Variants in KCTD8 observed in about 807,000 individuals in gnomAD.
The protein encoded by KCTD8 is BTB/POZ domain-containing protein KCTD8.
A neutral mutation model predicts 31.5 loss-of-function variants in KCTD8; 27 were observed. The ratio of observed to expected loss-of-function variants is 0.86; its 90% confidence interval spans 0.63 to 1.18. The LOEUF (loss-of-function observed/expected upper bound fraction) is 1.18. KCTD8 is among the 50% of genes most tolerant of loss of function. The pLI is 0.00. For synonymous variants in KCTD8, 290 were observed against 280.0 expected, an observed-to-expected ratio of 1.04 and a Z score of -0.36; for missense variants, 658 against 647.7, an observed-to-expected ratio of 1.02 and a Z score of -0.17.
intron 1 of KCTD8, among the ~76,000 whole-genome samples, chr4:44,196,014 T>C (rs1267283614): frequency 2.0e-5 from 3 of 152,184 alleles, no homozygotes; most frequent in African/African-American, 7.2e-5. Flanking sequence ...TTATATAAGA[T>C]AAGCATGTTA....
chr4:44,333,419 C>T (rs924267645), intron 1 of KCTD8, among the ~76,000 whole-genome samples: 2 of 152,082 alleles, frequency 1.3e-5, no homozygotes, highest in Non-Finnish European at 1.5e-5. Context: ...TAAGTCAATA[C>T]TTCAATATTG....
intron 1 of KCTD8, among the ~76,000 whole-genome samples, chr4:44,438,487 T>C (rs1489220366): frequency 2.6e-5 from 4 of 152,198 alleles, no homozygotes; most frequent in African/African-American, 9.6e-5. Flanking sequence ...TTCCATTGAC[T>C]ATAAGTATTA....
chr4:44,272,095 C>G (rs577495144), intron 1 of KCTD8, among the ~76,000 whole-genome samples: 7 of 143,454 alleles, frequency 4.9e-5, no homozygotes, highest in Non-Finnish European at 1.0e-4. Flanking sequence ...AGTAGAGGTC[C>G]ATCAATAAAT....
chr4:44,277,807 C>A (rs139422288), intron 1 of KCTD8, among the ~76,000 whole-genome samples: 31 of 151,842 alleles, frequency 2.0e-4, no homozygotes, highest in Non-Finnish European at 3.7e-4. Context: ...GGTTTGTAAT[C>A]ATCCAACCAG....
chr4:44,436,771 A>AT (rs1466424609), intron 1 of KCTD8, among the ~76,000 whole-genome samples: 2 of 152,166 alleles, frequency 1.3e-5, no homozygotes, highest in East Asian at 3.9e-4. Flanking sequence ...TGATGTTTAA[A>AT]TTTTCATACT....
At chr4:44,313,758 A>G (rs1251542845) in intron 1 of KCTD8, among the ~76,000 whole-genome samples, 1 of 152,252 alleles carries the variant, frequency 6.6e-6, no homozygotes, top group African/African-American at 2.4e-5. Context: ...ATAAATGCTT[A>G]TAAGACAGAG....
At position 44,284,549 on chromosome 4, in the gene KCTD8, G is replaced by T. The variant is rs1717000136; in HGVS notation, c.962-109299C>A. Among the ~76,000 whole-genome samples, 3 of 152,128 alleles carry T rather than the reference G, an allele frequency of 2.0e-5. No individual in the cohort carries two copies. In the South Asian group the frequency reaches 6.2e-4, roughly 32 times the overall value. ...AGAAAACCTGGGCAATACCATTCAG[G>T]ATGTAGGCATGGGCAAAGACTTCAT... On this transcript the variant is annotated intron_variant, in intron 1 of 1. Transcript: ENST00000360029.
intron 1 of KCTD8, among the ~76,000 whole-genome samples, chr4:44,300,135 G>A (rs933264252): frequency 6.6e-6 from 1 of 152,178 alleles, no homozygotes; most frequent in South Asian, 2.1e-4. Flanking sequence ...ATAACCTACA[G>A]AGGTGTAGAA....
chr4:44,432,214 A>G (rs1042235447), intron 1 of KCTD8, among the ~76,000 whole-genome samples: 5 of 151,464 alleles, frequency 3.3e-5, no homozygotes, highest in Admixed American at 3.3e-4. Flanking sequence ...AGCTGCAACT[A>G]AAAGATTTGT....
chr4:44,376,722 C>T (rs556141361), intron 1 of KCTD8, among the ~76,000 whole-genome samples: 9 of 152,242 alleles, frequency 5.9e-5, no homozygotes, highest in African/African-American at 2.2e-4. Context: ...TGTATTAGGA[C>T]TAACAGGAGT....
At chr4:44,372,501 T>C (rs907653728) in intron 1 of KCTD8, among the ~76,000 whole-genome samples, 2 of 152,160 alleles carry the variant, frequency 1.3e-5, no homozygotes, top group African/African-American at 2.4e-5. Flanking sequence ...AGCAGGTCTG[T>C]ATTTTAGGAA....
chr4:44,432,565 T>C (rs1160631008), intron 1 of KCTD8, among the ~76,000 whole-genome samples: 1 of 151,632 alleles, frequency 6.6e-6, no homozygotes, highest in Non-Finnish European at 1.5e-5. Flanking sequence ...CTCAGACTAA[T>C]ACAGCTTTAT....
intron 1 of KCTD8, among the ~76,000 whole-genome samples, chr4:44,383,070 AC>A (rs1324577031): frequency 3.3e-5 from 5 of 151,978 alleles, no homozygotes; most frequent in East Asian, 1.9e-4. Context: ...CTATAAAAAA[AC>A]AAAATAAAAT....
At chr4:44,238,701 C>G (rs1577569781) in intron 1 of KCTD8, among the ~76,000 whole-genome samples, 1 of 152,008 alleles carries the variant, frequency 6.6e-6, no homozygotes, top group African/African-American at 2.4e-5. Flanking sequence ...AGTTTATTTT[C>G]TGTTTCTCAA....
chr4:44,207,874 T>A (rs1577831033), intron 1 of KCTD8, among the ~76,000 whole-genome samples: 1 of 152,180 alleles, frequency 6.6e-6, no homozygotes, highest in East Asian at 1.9e-4. Context: ...AGCAGTTTCA[T>A]TAGGTGCTAC....
intron 1 of KCTD8, among the ~76,000 whole-genome samples, chr4:44,187,759 C>T (rs907160212): frequency 6.6e-6 from 1 of 151,910 alleles, no homozygotes; most frequent in Non-Finnish European, 1.5e-5. Context: ...CTGGTGGCTC[C>T]GGGAGGGAAA....
intron 1 of KCTD8, among the ~76,000 whole-genome samples, chr4:44,322,329 G>C (rs1012038706): frequency 6.6e-6 from 1 of 151,900 alleles, no homozygotes; most frequent in Non-Finnish European, 1.5e-5. Flanking sequence ...GTTTTGATTT[G>C]CATTCCTGTG....
At chr4:44,201,328 A>G (rs1179879852) in intron 1 of KCTD8, among the ~76,000 whole-genome samples, 1 of 152,132 alleles carries the variant, frequency 6.6e-6, no homozygotes, top group Non-Finnish European at 1.5e-5. Context: ...ATATGGAACC[A>G]AAAAAGAGCC....
intron 1 of KCTD8, among the ~76,000 whole-genome samples, chr4:44,353,645 A>T (rs1719272313): frequency 6.6e-6 from 1 of 152,024 alleles, no homozygotes; most frequent in Non-Finnish European, 1.5e-5. Flanking sequence ...GCCTCTGGTC[A>T]CCATCATTCT....
Sources: allele counts gnomAD v4.1 joint callset (sites outside exome capture counted in the v4.1 genomes callset), GRCh38; gene constraint gnomAD v4.1.1; transcripts MANE v1.5; gene names NCBI Gene and HGNC (gene_info 2026-07-23, HGNC 2026-07-21).